Variants in AGBL4 observed in about 807,000 individuals in gnomAD.
The protein encoded by AGBL4 is AGBL carboxypeptidase 4.
A neutral mutation model predicts 66.4 loss-of-function variants in AGBL4; 58 were observed. The ratio of observed to expected loss-of-function variants is 0.87; its 90% CI spans 0.71 to 1.09. The LOEUF is 1.09. Among genes scored for constraint, AGBL4 ranks in the 50% least tolerant of loss-of-function variants. The probability of loss-of-function intolerance (pLI) is 0.00; values close to 1 mark genes in which losing one functional copy is unlikely to be tolerated. For synonymous variants in AGBL4, 234 were observed against 222.9 expected (o/e 1.05, Z -0.44); for missense variants, 579 against 631.0 (o/e 0.92, Z 0.88).
intron 2 of AGBL4, among the ~76,000 whole-genome samples, chr1:49,833,899 A>C (rs955751159): frequency 2.6e-5 from 4 of 152,146 alleles, no homozygotes; most frequent in South Asian, 2.1e-4. Flanking sequence ...TTGGGCTGAG[A>C]CAATGGGGTT....
intron 3 of AGBL4, among the ~76,000 whole-genome samples, chr1:49,418,169 C>T (rs1229251921): frequency 1.3e-5 from 2 of 152,152 alleles, no homozygotes; most frequent in Non-Finnish European, 2.9e-5. Context: ...ATTCTCCATA[C>T]CCCTACTTAT....
At chr1:49,123,100 G>C (rs186500090) in intron 4 of AGBL4, among the ~76,000 whole-genome samples, 1 of 151,994 alleles carries the variant, frequency 6.6e-6, no homozygotes, top group Non-Finnish European at 1.5e-5. Context: ...TGATCTGCCC[G>C]CCTTGGCCTC....
intron 9 of AGBL4, among the ~76,000 whole-genome samples, chr1:48,606,931 T>A (rs1225605078): frequency 6.6e-6 from 1 of 152,174 alleles, no homozygotes; most frequent in Non-Finnish European, 1.5e-5. Context: ...ATTAGAGATC[T>A]GGGCTCAAAC....
At chr1:49,318,300 T>C (rs1414660977) in intron 3 of AGBL4, among the ~76,000 whole-genome samples, 1 of 151,930 alleles carries the variant, frequency 6.6e-6, no homozygotes, top group Non-Finnish European at 1.5e-5. Context: ...GAAATAAGCT[T>C]CTATTAATCC....
chr1:48,626,904 G>C (rs570314533), intron 9 of AGBL4, among the ~76,000 whole-genome samples: 68 of 152,272 alleles, frequency 4.5e-4, no homozygotes, highest in South Asian at 1.5e-3. Context: ...GGGTGGTTCT[G>C]TCTTTTCCTA....
intron 9 of AGBL4, among the ~76,000 whole-genome samples, chr1:48,596,637 G>C (rs754711113): frequency 8.6e-5 from 13 of 152,032 alleles, no homozygotes; most frequent in Non-Finnish European, 1.5e-4. Flanking sequence ...GTAGAGACAA[G>C]GTTTGCTATA....
intron 5 of AGBL4, among the ~76,000 whole-genome samples, chr1:48,973,621 C>T (rs999262221): frequency 6.6e-6 from 1 of 152,118 alleles, no homozygotes; most frequent in Non-Finnish European, 1.5e-5. Flanking sequence ...AGAGCTATAA[C>T]AGGCAGCAAA....
intron 2 of AGBL4, among the ~76,000 whole-genome samples, chr1:49,697,917 T>A (rs1377613394): frequency 6.6e-6 from 1 of 152,144 alleles, no homozygotes; most frequent in Non-Finnish European, 1.5e-5. Context: ...TAAACTTCTA[T>A]CAGAATATGT....
chr1:48,968,514 T>C (rs1451832598), intron 5 of AGBL4, among the ~76,000 whole-genome samples: 1 of 152,014 alleles, frequency 6.6e-6, no homozygotes, highest in Non-Finnish European at 1.5e-5. Flanking sequence ...TTGGTGGTAA[T>C]GATGGAGGAG....
intron 3 of AGBL4, among the ~76,000 whole-genome samples, chr1:49,454,257 A>G (rs1231159147): frequency 6.6e-6 from 1 of 151,776 alleles, no homozygotes; most frequent in Non-Finnish European, 1.5e-5. Flanking sequence ...AAACTCCTGG[A>G]GAAGTTGTTC....
At chr1:48,598,977 A>G (rs139490214) in intron 9 of AGBL4, among the ~76,000 whole-genome samples, 35 of 152,180 alleles carry the variant, frequency 2.3e-4, no homozygotes, top group African/African-American at 8.4e-4. Context: ...TTTTCTAGTT[A>G]TAAATTATGG....
chr1:49,826,748 T>C (rs1265462019), intron 2 of AGBL4, among the ~76,000 whole-genome samples: 1 of 152,206 alleles, frequency 6.6e-6, no homozygotes, highest in Admixed American at 6.5e-5. Context: ...CATTTATCCA[T>C]GGATGTTTTG....
intron 6 of AGBL4, chr1:48,727,771 T>C (rs1467763405): frequency 3.0e-6 from 3 of 1,007,408 alleles, no homozygotes; most frequent in African/African-American, 1.6e-5. Context: ...CAGAACCCGA[T>C]GGATCCCTGC....
intron 3 of AGBL4, among the ~76,000 whole-genome samples, chr1:49,395,399 G>C (rs1434756984): frequency 1.3e-5 from 2 of 151,834 alleles, no homozygotes; most frequent in Admixed American, 6.6e-5. Flanking sequence ...TTGAATGAAT[G>C]AAAGACTGCA....
At chr1:49,821,351 C>T (rs952184430) in intron 2 of AGBL4, among the ~76,000 whole-genome samples, 1 of 152,148 alleles carries the variant, frequency 6.6e-6, no homozygotes, top group African/African-American at 2.4e-5. Context: ...AAACTGAAAA[C>T]CTGTTTCTTC....
At chr1:49,286,451 A>G (rs1644412120) in intron 3 of AGBL4, among the ~76,000 whole-genome samples, 1 of 152,302 alleles carries the variant, frequency 6.6e-6, no homozygotes, top group Admixed American at 6.5e-5. Context: ...ATGATTGTAT[A>G]TCTAGAAAAC....
chr1:49,750,038 A>C (rs1403115756), intron 2 of AGBL4, among the ~76,000 whole-genome samples: 1 of 152,172 alleles, frequency 6.6e-6, no homozygotes, highest in African/African-American at 2.4e-5. Flanking sequence ...AAGGCAATTC[A>C]ATGAGAAAAT....
At chr1:48,730,896 T>C (rs192579525) in intron 6 of AGBL4, among the ~76,000 whole-genome samples, 8 of 152,226 alleles carry the variant, frequency 5.3e-5, no homozygotes, top group Non-Finnish European at 1.0e-4. Context: ...TTGACCTTAA[T>C]AGGTTTAACT....
At chr1:49,261,375 G>C (rs1040368377) in intron 3 of AGBL4, among the ~76,000 whole-genome samples, 6 of 152,136 alleles carry the variant, frequency 3.9e-5, no homozygotes, top group Admixed American at 6.5e-5. Context: ...AATTGTCCCT[G>C]TTTGCAGACG....
Sources: gnomAD v4.1 joint callset for allele counts (sites outside exome capture counted in the v4.1 genomes callset) on GRCh38, gnomAD v4.1.1 for gene constraint, MANE v1.5 for transcripts, NCBI Gene and HGNC (gene_info 2026-07-23, HGNC 2026-07-21) for gene names.